Variants in SCP2 observed in about 807,000 individuals in gnomAD.
SCP2 encodes the protein SCP-2/3-oxoacyl-CoA thiolase.
In SCP2, 48 loss-of-function variants were observed where a neutral mutation model predicts 71.4. The ratio of observed to expected loss-of-function variants is 0.67; its 90% CI spans 0.53 to 0.86. The LOEUF is 0.86. Ranked by LOEUF, SCP2 falls within the 40% of genes least tolerant of loss-of-function variation. The pLI, the probability that SCP2 is intolerant of heterozygous loss-of-function variation, is 0.00. For synonymous variants in SCP2, 220 were observed against 218.1 expected, an observed-to-expected ratio of 1.01 and a Z score of -0.08; for missense variants, 560 against 655.6, an observed-to-expected ratio of 0.85 and a Z score of 1.59.
intron 1 of SCP2, among the ~76,000 whole-genome samples, chr1:52,938,605 C>G (rs1368086874): frequency 2.0e-5 from 3 of 152,162 alleles, no homozygotes; most frequent in Admixed American, 1.3e-4. Flanking sequence ...GTCTCGTCAT[C>G]CCAGTCTCTT....
intron 1 of SCP2, among the ~76,000 whole-genome samples, chr1:52,939,809 A>G (rs116429142): frequency 0.014 from 2,082 of 152,110 alleles, 16 homozygotes; most frequent in Non-Finnish European, 0.021. Flanking sequence ...AGCTGGGATT[A>G]TAGGTGCTGG....
chr1:52,953,809 T>G (rs1572077660), intron 4 of SCP2, among the ~76,000 whole-genome samples: 1 of 144,064 alleles, frequency 6.9e-6, no homozygotes, highest in Admixed American at 7.1e-5. Flanking sequence ...GGCAACATGG[T>G]GAGACTCCAT....
At chr1:53,042,444 A>G (rs1305996954) in intron 14 of SCP2, among the ~76,000 whole-genome samples, 1 of 152,040 alleles carries the variant, frequency 6.6e-6, no homozygotes, top group Non-Finnish European at 1.5e-5. Flanking sequence ...ATGATTTTGG[A>G]AAAGCTGTGT....
At chr1:53,043,825 A>G (rs1414107369) in intron 14 of SCP2, among the ~76,000 whole-genome samples, 1 of 152,102 alleles carries the variant, frequency 6.6e-6, no homozygotes, top group Non-Finnish European at 1.5e-5. Flanking sequence ...TTGATGTTAT[A>G]TATCTGCAAT....
chr1:52,999,829 T>C (rs1394926027), intron 11 of SCP2, among the ~76,000 whole-genome samples: 1 of 149,632 alleles, frequency 6.7e-6, no homozygotes, highest in Non-Finnish European at 1.5e-5. Flanking sequence ...TTTTTTTTTT[T>C]TTTTTGAGAC....
chr1:53,011,298 G>A (rs6679819), intron 11 of SCP2, among the ~76,000 whole-genome samples: 48,139 of 152,086 alleles, frequency 0.32, 12,730 homozygotes, highest in African/African-American at 0.72. Flanking sequence ...AGGAGAAGGA[G>A]GAAAAGACCT....
intron 12 of SCP2, among the ~76,000 whole-genome samples, chr1:53,021,464 G>A (rs774019592): frequency 2.1e-4 from 32 of 150,216 alleles, no homozygotes; most frequent in East Asian, 3.9e-4. Flanking sequence ...CTACAGGCAC[G>A]CACCACCAGG....
At chr1:52,953,268 C>T (rs763243410) in intron 4 of SCP2, among the ~76,000 whole-genome samples, 2 of 152,036 alleles carry the variant, frequency 1.3e-5, no homozygotes, top group African/African-American at 4.8e-5. Flanking sequence ...TACTGAAACA[C>T]ATTTCTACAT....
intron 1 of SCP2, among the ~76,000 whole-genome samples, chr1:52,931,127 C>T (rs1653112346): frequency 1.3e-5 from 2 of 152,154 alleles, no homozygotes; most frequent in Middle Eastern, 6.8e-3. Flanking sequence ...GATATTAATC[C>T]ACAAGGGCAA....
intron 11 of SCP2, among the ~76,000 whole-genome samples, chr1:53,005,565 T>C (rs533270108): frequency 6.6e-6 from 1 of 152,308 alleles, no homozygotes; most frequent in East Asian, 1.9e-4. Context: ...GGGTCCTGAC[T>C]GTTAGAAGGA....
intron 15 of SCP2, chr1:53,050,313 A>G (rs1042527736): frequency 8.6e-5 from 25 of 291,916 alleles, no homozygotes. Context: ...ATGTTTTAAA[A>G]CATAATCAGT....
At chr1:52,979,912 C>T (rs1319914677) in intron 9 of SCP2, among the ~76,000 whole-genome samples, 2 of 149,640 alleles carry the variant, frequency 1.3e-5, no homozygotes, top group African/African-American at 4.9e-5. Context: ...CCCTTCCTTC[C>T]TCCCTTTCTT....
intron 2 of SCP2, among the ~76,000 whole-genome samples, chr1:52,942,096 T>A (rs898370287): frequency 6.6e-6 from 1 of 152,192 alleles, no homozygotes; most frequent in Non-Finnish European, 1.5e-5. Flanking sequence ...TTGAGATGGT[T>A]AAGGGATCTG....
chr1:52,995,627 G>T, intron 11 of SCP2: 1 of 612,640 alleles, frequency 1.6e-6, no homozygotes, highest in South Asian at 1.6e-5. Context: ...CCCTGCCACA[G>T]CTTATATCTC....
At chr1:52,991,454 G>T (rs558732853) in intron 11 of SCP2, among the ~76,000 whole-genome samples, 1 of 150,914 alleles carries the variant, frequency 6.6e-6, no homozygotes. Context: ...AGGCTGGAGC[G>T]CAGTAGCGCG....
chr1:52,997,962 G>A (rs1177449499), intron 11 of SCP2, among the ~76,000 whole-genome samples: 8 of 152,128 alleles, frequency 5.3e-5, no homozygotes, highest in Admixed American at 5.2e-4. Context: ...GATTAGTTTT[G>A]CTGATCCTAG....
chr1:52,991,786 G>C (rs1287575661), intron 11 of SCP2, among the ~76,000 whole-genome samples: 4 of 150,392 alleles, frequency 2.7e-5, no homozygotes, highest in Middle Eastern at 3.4e-3. Context: ...TTTTTTTTGT[G>C]ATAACAGATC....
intron 11 of SCP2, among the ~76,000 whole-genome samples, chr1:53,009,413 T>C (rs1390079541): frequency 6.6e-6 from 1 of 152,222 alleles, no homozygotes; most frequent in African/African-American, 2.4e-5. Flanking sequence ...AGCATGGTAC[T>C]GGTATCAAAA....
intron 9 of SCP2, among the ~76,000 whole-genome samples, chr1:52,978,947 A>C (rs1026465171): frequency 2.6e-5 from 4 of 152,190 alleles, no homozygotes; most frequent in Non-Finnish European, 5.9e-5. Flanking sequence ...AAAAAGTAAA[A>C]AAGATGAAAA....
Sources: gnomAD v4.1 joint callset for allele counts (sites outside exome capture counted in the v4.1 genomes callset) on GRCh38, gnomAD v4.1.1 for gene constraint, MANE v1.5 for transcripts, NCBI Gene and HGNC (gene_info 2026-07-23, HGNC 2026-07-21) for gene names.